The following DENND1B variants were observed in gnomAD, a reference collection of about 807,000 sequenced individuals.
DENND1B encodes DENN domain containing 1B.
Under a neutral mutation model 90.1 loss-of-function variants are expected in DENND1B, and 59 were observed. The observed-to-expected ratio is 0.65, with a 90% confidence interval of 0.53 to 0.81. DENND1B has a LOEUF of 0.81. Among genes scored for constraint, DENND1B ranks in the 40% least tolerant of loss-of-function variants. The probability of loss-of-function intolerance (pLI) is 0.00; values close to 1 mark genes in which losing one functional copy is unlikely to be tolerated. For missense variants in DENND1B, 862 were observed against 912.6 expected (o/e 0.94, Z 0.71); for synonymous variants, 337 against 324.6 (o/e 1.04, Z -0.41).
intron 10 of DENND1B, among the ~76,000 whole-genome samples, chr1:197,626,152 C>G (rs79094656): frequency 0.16 from 24,352 of 151,986 alleles, 2,222 homozygotes; most frequent in Non-Finnish European, 0.2. Flanking sequence ...GAATTGAACT[C>G]AGCTCTGCAC....
intron 10 of DENND1B, among the ~76,000 whole-genome samples, chr1:197,636,042 A>G (rs1010007479): frequency 6.6e-6 from 1 of 152,074 alleles, no homozygotes; most frequent in Non-Finnish European, 1.5e-5. Context: ...TGTGTGGACT[A>G]TAAGTAATCG....
intron 5 of DENND1B, among the ~76,000 whole-genome samples, chr1:197,670,553 A>C (rs1655403058): frequency 6.6e-6 from 1 of 150,856 alleles, no homozygotes; most frequent in Non-Finnish European, 1.5e-5. Flanking sequence ...ACAACTTATG[A>C]ATCTAGGTAA....
At chr1:197,548,870 C>T (rs1212706858) in intron 16 of DENND1B, among the ~76,000 whole-genome samples, 2 of 152,018 alleles carry the variant, frequency 1.3e-5, no homozygotes, top group Non-Finnish European at 2.9e-5. Flanking sequence ...GAAGAAGTCC[C>T]TTGCTTCGAT....
intron 10 of DENND1B, among the ~76,000 whole-genome samples, chr1:197,632,719 A>G (rs1273856172): frequency 6.6e-6 from 1 of 152,188 alleles, no homozygotes; most frequent in Non-Finnish European, 1.5e-5. Flanking sequence ...GTGGTTAACT[A>G]TTTTTAACTC....
chr1:197,661,145 C>T (rs1007946760), intron 5 of DENND1B, among the ~76,000 whole-genome samples: 6 of 151,962 alleles, frequency 3.9e-5, no homozygotes, highest in African/African-American at 1.2e-4. Context: ...CTCAATTTTC[C>T]TACTTAAATT....
Position 197,775,291 on chromosome 1 carries a change from C to A in DENND1B, c.-136G>T. The A allele has an allele frequency of 1.5e-6, 1 of 658,146 alleles. No individual in the cohort carries two copies. Among genetic ancestry groups the A allele is most frequent in the South Asian group, 7.6e-5 (1 of 13,188 alleles). 40.8% of individuals were successfully genotyped at this position (658,146 alleles called of 1,614,324 possible). A position where few individuals can be genotyped will look rare whatever the true frequency, so the allele number is the denominator to read the frequency against. On this transcript the variant is annotated 5_prime_UTR_variant, in exon 1 of 23. Coordinates refer to ENST00000620048, the MANE Select transcript of DENND1B (RefSeq NM_001195215.2). ...AGGGAAAGAGGCTGCTCACAGCAGC[C>A]GTGGCGGCGGGCCCATGTCGGCTGC...
chr1:197,634,813 A>C (rs1679632698), intron 10 of DENND1B, among the ~76,000 whole-genome samples: 2 of 152,066 alleles, frequency 1.3e-5, no homozygotes, highest in African/African-American at 4.8e-5. Flanking sequence ...ACATGGTGAA[A>C]CTCCCGTCTC....
chr1:197,681,205 G>A (rs1381338787), intron 3 of DENND1B, among the ~76,000 whole-genome samples: 12 of 151,946 alleles, frequency 7.9e-5, no homozygotes, highest in Admixed American at 7.9e-4. Context: ...TTTGTAAGTA[G>A]GTATGGATAT....
chr1:197,755,975 C>A (rs1654227175), intron 2 of DENND1B, among the ~76,000 whole-genome samples: 1 of 152,140 alleles, frequency 6.6e-6, no homozygotes, highest in South Asian at 2.1e-4. Flanking sequence ...ACAGAGCCAA[C>A]CCATATCAGT....
At chr1:197,589,148 T>C (rs1289229477) in intron 14 of DENND1B, among the ~76,000 whole-genome samples, 2 of 152,110 alleles carry the variant, frequency 1.3e-5, no homozygotes, top group Non-Finnish European at 2.9e-5. Context: ...AAAAATTACA[T>C]TTTTCTTCCC....
chr1:197,742,138 T>G (rs1246539769), intron 2 of DENND1B, among the ~76,000 whole-genome samples: 2 of 152,200 alleles, frequency 1.3e-5, no homozygotes, highest in Non-Finnish European at 2.9e-5. Context: ...CAATCTAATT[T>G]CTTTAGTAAT....
chr1:197,773,167 CT>C, intron 1 of DENND1B: 1 of 516,530 alleles, frequency 1.9e-6, no homozygotes. Flanking sequence ...TGAGACTGTT[CT>C]CCCTTACCTA....
chr1:197,651,755 A>G (rs890478883), intron 7 of DENND1B, among the ~76,000 whole-genome samples: 1 of 139,674 alleles, frequency 7.2e-6, no homozygotes, highest in African/African-American at 2.7e-5. Flanking sequence ...TCCCGGGTTC[A>G]CGCCATTCTC....
At chr1:197,723,981 C>G (rs1208285018) in intron 2 of DENND1B, among the ~76,000 whole-genome samples, 1 of 152,044 alleles carries the variant, frequency 6.6e-6, no homozygotes, top group South Asian at 2.1e-4. Context: ...CATAAAACAG[C>G]TTCATTTTAT....
intron 15 of DENND1B, among the ~76,000 whole-genome samples, chr1:197,572,998 T>C (rs1202547840): frequency 6.6e-6 from 1 of 152,216 alleles, no homozygotes; most frequent in Non-Finnish European, 1.5e-5. Context: ...CCCTTTATCA[T>C]TTTTTATTGC....
intron 13 of DENND1B, among the ~76,000 whole-genome samples, chr1:197,601,082 C>A (rs1676164675): frequency 6.6e-6 from 1 of 151,662 alleles, no homozygotes; most frequent in Admixed American, 6.6e-5. Context: ...TCCAACTGCA[C>A]CCTGTTCTTT....
chr1:197,596,381 A>G (rs1046780060), intron 13 of DENND1B, among the ~76,000 whole-genome samples: 4 of 152,076 alleles, frequency 2.6e-5, no homozygotes, highest in East Asian at 3.9e-4. Flanking sequence ...AAAATAGAAA[A>G]CTATATTCTG....
chr1:197,580,131 C>T (rs1416039349), intron 15 of DENND1B, among the ~76,000 whole-genome samples: 6 of 110,280 alleles, frequency 5.4e-5, no homozygotes, highest in East Asian at 6.0e-4. Flanking sequence ...CTCACTCTGT[C>T]GCCCAGGCTG....
rs1668133107 is a variant in DENND1B, at chr1:197,512,937, G to A, written c.1532C>T (p.Pro511Leu). ...TAGAGCACCATCAAGGCTCTTAAGA[G>A]GCCTTTTTAAGCGTGCCTGGAGAGA... ...RKLAQARLKR[P>L]LKSLDGALYD... The change falls in exon 21 of 23, where the codon CCT (proline) becomes CTT (leucine). Residue 511 changes from proline (P) to leucine (L), a missense_variant. Transcript: ENST00000620048. 1 of 1,609,662 alleles carries A rather than the reference G, an allele frequency of 6.2e-7. No homozygotes were observed. Among genetic ancestry groups the A allele is most frequent in the Non-Finnish European group, 8.5e-7 (1 of 1,177,582 alleles).
Sources: gnomAD v4.1 joint callset for allele counts (sites outside exome capture counted in the v4.1 genomes callset) on GRCh38, gnomAD v4.1.1 for gene constraint, MANE v1.5 for transcripts, NCBI Gene and HGNC (gene_info 2026-07-23, HGNC 2026-07-21) for gene names.